The following CDC42BPG variants were observed in gnomAD, a reference collection of about 807,000 sequenced individuals.
CDC42BPG encodes the protein CDC42 binding protein kinase gamma.
A neutral mutation model predicts 192.2 loss-of-function variants in CDC42BPG; 157 were observed. That is an observed-to-expected ratio of 0.82 (90% CI 0.72 to 0.93). The LOEUF is 0.93. CDC42BPG is among the 40% of genes least tolerant of loss of function. CDC42BPG has a pLI of 0.00. For synonymous variants in CDC42BPG, 981 were observed against 918.5 expected (o/e 1.07, Z -1.23); for missense variants, 1,992 against 2,122.1 (o/e 0.94, Z 1.20).
intron 36 of CDC42BPG, among the ~76,000 whole-genome samples, chr11:64,826,067 GAAAAA>G (rs10692629): frequency 1.5e-5 from 2 of 134,006 alleles, no homozygotes; most frequent in African/African-American, 2.9e-5. Flanking sequence ...ACTCCATCTG[GAAAAA>G]AAAAAAAAAA....
Position 64,836,719 on chromosome 11 carries a change from G to GGGA in CDC42BPG, c.1384+19_1384+20insTCC. The GGGA allele has an allele frequency of 2.4e-6, 2 of 842,262 alleles. No homozygotes were observed. The highest frequency in any genetic ancestry group is 3.4e-6 in the Non-Finnish European group (2 of 582,314). The allele number at this position is 842,262 out of a possible 1,614,324, so 52.2% of individuals were successfully genotyped here. A position where few individuals can be genotyped will look rare whatever the true frequency, so the allele number is the denominator to read the frequency against. The stretch of plus-strand genomic sequence containing the variant: ...GGGACTCAGCCCTGGGGGGGGGGGG[G>GGGA]GGGTGGGCGGAAGGGATACCTGGCA... On this transcript the variant is annotated intron_variant, in intron 11 of 36. Coordinates refer to ENST00000342711, the MANE Select transcript of CDC42BPG (RefSeq NM_017525.3).
chr11:64,831,472 A>T (rs684071), intron 28 of CDC42BPG, 33 bp downstream of exon 28: 1 of 1,581,142 alleles, frequency 6.3e-7, no homozygotes, highest in Non-Finnish European at 8.6e-7. Flanking sequence ...CGCAGGCCTG[A>T]ACTGCTTCCT....
At position 64,824,304 on chromosome 11, in the gene CDC42BPG, AC is replaced by A; in HGVS notation, c.*168del. ...GGCAGGATGAGGGCTGGGAGTCAGG[AC>A]CCCCAAGTCCTGGGAACCCAGGCAA... On this transcript the variant is annotated 3_prime_UTR_variant, in exon 37 of 37. Transcript: ENST00000342711. 5.7e-6 allele frequency: 4 copies of A among 697,672 alleles called. No homozygotes were observed. Among genetic ancestry groups the A allele is most frequent in the East Asian group, 2.7e-5 (1 of 37,682 alleles). The allele number at this position is 697,672 out of a possible 1,614,324, so 43.2% of individuals were successfully genotyped here. A position where few individuals can be genotyped will look rare whatever the true frequency, so the allele number is the denominator to read the frequency against.
At position 64,839,210 on chromosome 11, in the gene CDC42BPG, C is replaced by G. The variant is rs758694988; in HGVS notation, c.699G>C (p.Gly233=). The G allele has an allele frequency of 6.2e-7, 1 of 1,613,114 alleles. No homozygotes were observed. The highest frequency in any genetic ancestry group is 1.7e-5 in the Admixed American group (1 of 60,004). Residue 233 remains glycine (G), a synonymous_variant, in exon 7 of 37, where the codon GGG becomes GGC. Transcript: ENST00000342711. The stretch of plus-strand genomic sequence containing the variant: ...TCTCAGGGGAGATATAGTCCGGCGT[C>G]CCTACTGCCACTGATGAATCCACCT... ...NGMVDSSVAV[G]TPDYISPEIL...
Position 64,839,510 on chromosome 11 carries a change from C to G in CDC42BPG, c.643G>C (p.Gly215Arg). Residue 215 changes from glycine (G) to arginine (R), a missense_variant, in exon 6 of 37, where the codon GGC becomes CGC. By Grantham distance (125) the Gly-to-Arg change is moderately radical. Coordinates refer to ENST00000342711, the MANE Select transcript of CDC42BPG (RefSeq NM_017525.3). Reference protein sequence around the residue: ...VNGHIRLADFGSCLRLNTNGM... With the variant: ...VNGHIRLADFRSCLRLNTNGM... ...TTGGTGTTGAGACGCAGGCAGGAGC[C>G]GAAGTCAGCCAGGCGAATGTGCCCG... 2.5e-6 allele frequency: 4 copies of G among 1,613,228 alleles called. No homozygotes were observed. The highest frequency in any genetic ancestry group is 3.4e-6 in the Non-Finnish European group (4 of 1,179,984).
rs1592699172 is a variant in CDC42BPG at position 64,833,165 on chromosome 11, A to C, written c.2731+66T>G. On this transcript the variant is annotated intron_variant, in intron 24 of 36. Transcript: ENST00000342711. ...CCAGTGACCCTGGGATGGGAGAAAC[A>C]GCCTGGGTATGCCAGGGCCACACAC... The C allele has an allele frequency of 4.4e-6, 6 of 1,349,884 alleles. No homozygotes were observed. The East Asian group carries it at 1.3e-4, about 28-fold the overall frequency. The allele number at this position is 1,349,884 out of a possible 1,614,324, so 83.6% of individuals were successfully genotyped here.
chr11:64,838,147 G>A lies in CDC42BPG; in HGVS notation c.1141C>T (p.Pro381Ser). 6.4e-7 allele frequency: 1 copy of A among 1,553,318 alleles called. No individual in the cohort carries two copies. ...TGGCCGGAGAAGGCCCCGTGGGAGGGCGGTGGCAGGGTCCCCTGCAGAGGG... is the reference window on the plus strand; with the variant it reads ...TGGCCGGAGAAGGCCCCGTGGGAGGACGGTGGCAGGGTCCCCTGCAGAGGG... ...TLNHPGTLPP[P>S]SHGAFSGHHL... is the part of the protein sequence containing the mutation. The change falls in exon 9 of 37, where the codon CCC becomes TCC. Residue 381 changes from proline (P) to serine (S), a missense_variant. Around this residue, in one of 2 missense-constraint regions of CDC42BPG, gnomAD observed 1,656 missense variants for 1,844.3 expected, o/e 0.90. Transcript: ENST00000342711.
intron 23 of CDC42BPG, 58 bp from the exon 24 acceptor site, chr11:64,833,394 AG>A (rs1416855021): frequency 2.9e-5 from 31 of 1,057,330 alleles, no homozygotes; most frequent in Middle Eastern, 2.8e-4. Context: ...CCCATCCCTG[AG>A]GGGTCAGGAA....
chr11:64,829,223 G>GA (rs1007795022), intron 30 of CDC42BPG, among the ~76,000 whole-genome samples: 1 of 151,250 alleles, frequency 6.6e-6, no homozygotes, highest in African/African-American at 2.4e-5. Context: ...TGTCTCAAAA[G>GA]AAAAAAAAAG....
In CDC42BPG at chr11:64,842,037, C is replaced by T; in HGVS notation, c.161-133G>A. The T allele has an allele frequency of 4.3e-6, 3 of 696,712 alleles. No homozygotes were observed. In the South Asian group the frequency reaches 5.0e-5, roughly 12 times the overall value. The allele number at this position is 696,712 out of a possible 1,614,324, so 43.2% of individuals were successfully genotyped here. A position where few individuals can be genotyped will look rare whatever the true frequency, so the allele number is the denominator to read the frequency against. Reference sequence around the variant, plus strand: ...GACCTCCCCAGGGACAGCCTCGGGCCAAGGGGTTGTGGCAGGAACTGGTGC... The same window carrying T: ...GACCTCCCCAGGGACAGCCTCGGGCTAAGGGGTTGTGGCAGGAACTGGTGC... On this transcript the variant is annotated intron_variant, in intron 1 of 36. Transcript: ENST00000342711.
chr11:64,827,121 G>A lies in CDC42BPG; in HGVS notation c.4318C>T (p.Pro1440Ser). ...PFVRSKLISP[P>S]TNFNHLVHVG... is the part of the protein sequence containing the mutation. Reference sequence around the variant, plus strand: ...TGTACTAGGTGGTTGAAGTTGGTAGGCGGCGAGATGAGCTTGGAGCGCACA... The same window carrying A: ...TGTACTAGGTGGTTGAAGTTGGTAGACGGCGAGATGAGCTTGGAGCGCACA... Residue 1440 changes from proline (P) to serine (S), a missense_variant, in exon 34 of 37, where the codon CCT (proline) becomes TCT (serine). Transcript: ENST00000342711. 1 of 1,614,174 alleles carries A rather than the reference G, an allele frequency of 6.2e-7. No homozygotes were observed.
At chr11:64,825,956 C>T (rs371749323) in intron 36 of CDC42BPG, among the ~76,000 whole-genome samples, 11 of 150,922 alleles carry the variant, frequency 7.3e-5, no homozygotes, top group Admixed American at 3.3e-4. Flanking sequence ...ATACCAGCGA[C>T]TTGGGAGAGG....
Position 64,831,547 on chromosome 11 carries a change from C to T in CDC42BPG, c.3262G>A (p.Gly1088Arg), listed in dbSNP as rs767239951. The change falls in exon 28 of 37, where the codon GGG (glycine) becomes AGG (arginine). Residue 1088 changes from glycine (G) to arginine (R), a missense_variant. Coordinates refer to ENST00000342711, the MANE Select transcript of CDC42BPG (RefSeq NM_017525.3). ...VYTLKEAYDN[G>R]LPLLPHTLCA... The stretch of plus-strand genomic sequence containing the variant: ...AGCGTGTGAGGCAGCAGCGGCAGCC[C>T]GTTGTCGTAAGCCTCCTTGAGTGTG... 9.9e-6 allele frequency: 16 copies of T among 1,611,704 alleles called. No homozygotes were observed. The highest frequency in any genetic ancestry group is 5.3e-5 in the African/African-American group (4 of 74,934).
intron 28 of CDC42BPG, 134 bp from the exon 29 acceptor site, chr11:64,830,390 C>T: frequency 2.6e-6 from 2 of 770,774 alleles, no homozygotes; most frequent in Non-Finnish European, 4.4e-6. Flanking sequence ...GTCCCTGCCT[C>T]ACTGACCCTT....
chr11:64,839,572 C>T lies in CDC42BPG; in HGVS notation c.582-1G>A. 1 of 1,610,966 alleles carries T rather than the reference C, an allele frequency of 6.2e-7. No individual in the cohort carries two copies. Among genetic ancestry groups the T allele is most frequent in the Non-Finnish European group, 8.5e-7 (1 of 1,179,182 alleles). ...CAGGACGTTGTCTGGCTTGACATCC[C>T]TGGGGGATGGCAGGCAGGGAGAGTG... On this transcript the variant is annotated splice_acceptor_variant, in intron 5 of 36. Transcript: ENST00000342711. LOFTEE classifies it high-confidence loss of function.
rs1318323916 is a variant in CDC42BPG at position 64,827,049 on chromosome 11, C to G, written c.4389+1G>C. 2.5e-6 allele frequency: 4 copies of G among 1,598,108 alleles called. No homozygotes were observed. The highest frequency in any genetic ancestry group is 3.4e-6 in the Non-Finnish European group (4 of 1,167,170). On this transcript the variant is annotated splice_donor_variant, in intron 34 of 36. Transcript: ENST00000342711. LOFTEE classifies it high-confidence loss of function. ...CTTGTGATTGGCTCCAGAGGACTAA[C>G]CGGGGACTTGTCCCTGGCGCCGGGC...
Position 64,827,591 on chromosome 11 carries a change from C to T in CDC42BPG, c.4086G>A (p.Glu1362=). Residue 1362 remains glutamate (E), a synonymous_variant, in exon 32 of 37, where the codon GAG becomes GAA. Transcript: ENST00000342711. ...CGGTGCCGTAGAGGAACAGGGAGCCCTCTGGATTGAGGGGCCGCACCTGAG... is the reference window on the plus strand; with the variant it reads ...CGGTGCCGTAGAGGAACAGGGAGCCTTCTGGATTGAGGGGCCGCACCTGAG... ...PLKKVRPLNP[E]GSLFLYGTEK... 7 of 1,611,824 alleles carry T rather than the reference C, an allele frequency of 4.3e-6. No individual in the cohort carries two copies. Among genetic ancestry groups the T allele is most frequent in the Non-Finnish European group, 5.9e-6 (7 of 1,178,722 alleles).
chr11:64,840,949 G>C (rs1943254461), intron 3 of CDC42BPG, among the ~76,000 whole-genome samples: 1 of 152,106 alleles, frequency 6.6e-6, no homozygotes, highest in Non-Finnish European at 1.5e-5. Context: ...AAGAGTTGGA[G>C]ACCAGCCTGG....
rs1943295676 is a variant in CDC42BPG at position 64,841,859 on chromosome 11, T to C, written c.206A>G (p.Asp69Gly). The part of the protein sequence containing the change: ...SKVKELRLQR[D>G]DFEILKVIGR... The stretch of plus-strand genomic sequence containing the variant: ...GATCACCTTCAAGATCTCAAAGTCA[T>C]CTCTCTGCAGACGCAGTTCTTTCAC... The change falls in exon 2 of 37, where the codon GAT becomes GGT. Residue 69 changes from aspartate to glycine, a missense_variant. By Grantham distance (94) the Asp-to-Gly change is moderately conservative (BLOSUM62 -1). Transcript: ENST00000342711. 6.2e-7 allele frequency: 1 copy of C among 1,613,764 alleles called. No homozygotes were observed. Among genetic ancestry groups the C allele is most frequent in the Non-Finnish European group, 8.5e-7 (1 of 1,179,968 alleles).
Sources: allele counts gnomAD v4.1 joint callset (sites outside exome capture counted in the v4.1 genomes callset), GRCh38; gene constraint gnomAD v4.1.1; regional missense constraint gnomAD v4.1.1; transcripts MANE v1.5; gene names NCBI Gene and HGNC (gene_info 2026-07-23, HGNC 2026-07-21).